The following IGLL5 variants were observed in gnomAD, a reference collection of about 807,000 sequenced individuals.
IGLL5 encodes the protein immunoglobulin lambda-like polypeptide 5.
Under a neutral mutation model 20.9 loss-of-function variants are expected in IGLL5, and 30 were observed. The ratio of observed to expected loss-of-function variants is 1.44; its 90% CI spans 1.07 to 1.95. IGLL5 has a LOEUF of 1.95. Among genes scored for constraint, IGLL5 ranks in the 30% most tolerant of loss-of-function variants. IGLL5 has a pLI of 0.00. For synonymous variants in IGLL5, 203 were observed against 117.3 expected, an observed-to-expected ratio of 1.73 and a Z score of -4.72; for missense variants, 475 against 270.7, an observed-to-expected ratio of 1.75 and a Z score of -5.30.
rs1446690837 is a variant in IGLL5, at chr22:22,888,020, G to T, written c.-34G>T. 6.5e-7 allele frequency: 1 copy of T among 1,527,080 alleles called. No homozygotes were observed. The highest frequency in any genetic ancestry group is 1.2e-5 in the South Asian group (1 of 83,490). 94.6% of individuals were successfully genotyped at this position (1,527,080 alleles called of 1,614,324 possible). On this transcript the variant is annotated 5_prime_UTR_variant, in exon 1 of 3. Coordinates refer to ENST00000526893, the MANE Select transcript of IGLL5 (RefSeq NM_001178126.2). Reference sequence around the variant, plus strand: ...GTCCTCCAGGGAGCCCATGCTGCAAGTCGGGCCAGAGGTGCCCCTGAACCT... The same window carrying T: ...GTCCTCCAGGGAGCCCATGCTGCAATTCGGGCCAGAGGTGCCCCTGAACCT...
At chr22:22,894,474 A>T in intron 2 of IGLL5, among the ~76,000 whole-genome samples, 2 of 151,238 alleles carry the variant, frequency 1.3e-5, no homozygotes, top group African/African-American at 2.4e-5. Context: ...CAGAAAGGAG[A>T]CAGTCTCTTA....
chr22:22,895,292 C>A, intron 2 of IGLL5, 83 bp from the exon 3 acceptor site: 1 of 1,331,448 alleles, frequency 7.5e-7, no homozygotes, highest in Non-Finnish European at 1.1e-6. Context: ...TGAACCCTCC[C>A]AGAGACTTTA....
At chr22:22,889,246 A>C (rs2067700433) in intron 1 of IGLL5, among the ~76,000 whole-genome samples, 1 of 151,056 alleles carries the variant, frequency 6.6e-6, no homozygotes, top group African/African-American at 2.4e-5. Flanking sequence ...ACTCAGATTC[A>C]GAGCACCCAG....
intron 1 of IGLL5, among the ~76,000 whole-genome samples, chr22:22,890,579 GTGT>G (rs1258501395): frequency 6.9e-6 from 1 of 144,458 alleles, no homozygotes; most frequent in Non-Finnish European, 1.5e-5. Flanking sequence ...GTGTGTGTGT[GTGT>G]GTGTGTGTGT....
chr22:22,889,276 A>T (rs2067703221), intron 1 of IGLL5, among the ~76,000 whole-genome samples: 1 of 151,076 alleles, frequency 6.6e-6, no homozygotes, highest in Middle Eastern at 3.7e-3. Context: ...TTCCTATGAA[A>T]TGGGAGCATG....
chr22:22,892,593 G>A (rs1256482843), intron 1 of IGLL5, among the ~76,000 whole-genome samples: 1 of 150,922 alleles, frequency 6.6e-6, no homozygotes, highest in Non-Finnish European at 1.5e-5. Context: ...ACTCTGTGGA[G>A]GAGCAAGTTA....
At chr22:22,888,988 C>G (rs187400662) in intron 1 of IGLL5, among the ~76,000 whole-genome samples, 8 of 151,260 alleles carry the variant, frequency 5.3e-5, no homozygotes, top group African/African-American at 1.2e-4. Context: ...AGGCTGGGAG[C>G]TCCTGGGTGA....
rs114120440 is a variant in IGLL5, at chr22:22,889,512, T to C, written c.206+1253T>C. ...ACAAGGGTGGTTAGCTCAGCATTAT[T>C]AGTGATGGGAGAAAACTGGAAAAAA... On this transcript the variant is annotated intron_variant, in intron 1 of 2. Coordinates refer to ENST00000526893, the MANE Select transcript of IGLL5 (RefSeq NM_001178126.2). 1.3e-5 allele frequency among the ~76,000 whole-genome samples: 2 copies of C among 151,282 alleles called. 1 individual carries two copies. Among genetic ancestry groups the C allele is most frequent in the East Asian group, 4.0e-4 (2 of 4,940 alleles).
intron 1 of IGLL5, among the ~76,000 whole-genome samples, chr22:22,889,433 T>G (rs192821440): frequency 6.6e-6 from 1 of 151,288 alleles, no homozygotes; most frequent in African/African-American, 2.4e-5. Context: ...CTTCTAGGAA[T>G]TTATCCTAAG....
intron 1 of IGLL5, among the ~76,000 whole-genome samples, chr22:22,888,498 T>G (rs560881117): frequency 2.6e-5 from 4 of 151,410 alleles, no homozygotes; most frequent in South Asian, 2.1e-4. Flanking sequence ...TGGCGCCACT[T>G]AAATTTTCAC....
At position 22,888,177 on chromosome 22, in the gene IGLL5, A is replaced by C. The variant is rs550903741; in HGVS notation, c.124A>C (p.Met42Leu). The change falls in exon 1 of 3, where the codon ATG (methionine) becomes CTG (leucine). Residue 42 changes from methionine (M) to leucine (L), a missense_variant. Transcript: ENST00000526893. ...GGTCGCCCATGGCCTGCTGCGCCCA[A>C]TGGTTGCACCGCAAAGCGGGGACCC... ...AMVAHGLLRPMVAPQSGDPDP... is the reference protein window; with the variant it reads ...AMVAHGLLRPLVAPQSGDPDP... 8.4e-6 allele frequency: 13 copies of C among 1,548,852 alleles called. 1 individual carries two copies. Among genetic ancestry groups the C allele is most frequent in the Middle Eastern group, 1.7e-4 (1 of 5,778 alleles).
At chr22:22,894,309 G>C (rs2068014774) in intron 2 of IGLL5, among the ~76,000 whole-genome samples, 3 of 151,388 alleles carry the variant, frequency 2.0e-5, no homozygotes, top group South Asian at 2.1e-4. Flanking sequence ...GTGACACAGA[G>C]GTCACCCCAA....
intron 2 of IGLL5, 112 bp from the exon 3 acceptor site, chr22:22,895,263 G>C: frequency 1.0e-6 from 1 of 953,312 alleles, no homozygotes; most frequent in Non-Finnish European, 1.6e-6. Context: ...AACCCCGGGT[G>C]GACCGGATGG....
intron 2 of IGLL5, among the ~76,000 whole-genome samples, chr22:22,894,070 T>G (rs2067976890): frequency 1.3e-5 from 2 of 151,334 alleles, no homozygotes; most frequent in African/African-American, 4.8e-5. Flanking sequence ...GGGCTCCTCC[T>G]CTCTTCCAGG....
intron 2 of IGLL5, 100 bp downstream of exon 2, chr22:22,893,918 C>A: frequency 1.2e-6 from 1 of 850,088 alleles, no homozygotes; most frequent in Non-Finnish European, 2.0e-6. Context: ...TCCTCCCAGC[C>A]TTAAGCACTG....
In IGLL5 at chr22:22,893,965, A is replaced by C. The variant is rs954544478; in HGVS notation, c.325+147A>C. The C allele has an allele frequency of 3.5e-5, 24 of 689,918 alleles. 1 individual carries two copies. Among genetic ancestry groups the C allele is most frequent in the Middle Eastern group, 2.5e-4 (1 of 3,990 alleles). The allele number at this position is 689,918 out of a possible 1,614,324, so 42.7% of individuals were successfully genotyped here. A position where few individuals can be genotyped will look rare whatever the true frequency, so the allele number is the denominator to read the frequency against. ...TCTCCATGGGGCCTGGAGGAGGTGC[A>C]TTAGTCTCCGGGTAACCGGCAGGAA... On this transcript the variant is annotated intron_variant, in intron 2 of 2. Coordinates refer to ENST00000526893, the MANE Select transcript of IGLL5 (RefSeq NM_001178126.2).
At chr22:22,888,320 CCAAGGGGAGA>C in intron 1 of IGLL5, 61 bp downstream of exon 1, 1 of 1,487,890 alleles carries the variant, frequency 6.7e-7, no homozygotes, top group Admixed American at 2.0e-5. Flanking sequence ...GAAAGGGTGA[CCAAGGGGAGA>C]CAAGCCAGAG....
intron 2 of IGLL5, among the ~76,000 whole-genome samples, chr22:22,894,661 A>G (rs577949410): frequency 2.0e-5 from 3 of 151,058 alleles, no homozygotes; most frequent in Admixed American, 6.6e-5. Flanking sequence ...TGGGGTCATC[A>G]CAGGCTGCTG....
At position 22,888,219 on chromosome 22, in the gene IGLL5, G is replaced by C. The variant is rs531309531; in HGVS notation, c.166G>C (p.Val56Leu). The stretch of plus-strand genomic sequence containing the variant: ...CGGGGACCCAGACCCTGGAGCCTCA[G>C]TTGGAAGCAGCCGATCCAGCCTGCG... ...QSGDPDPGASVGSSRSSLRSL... is the reference protein window; with the variant it reads ...QSGDPDPGASLGSSRSSLRSL... The change falls in exon 1 of 3, where the codon GTT (valine) becomes CTT (leucine). Residue 56 changes from valine to leucine, a missense_variant. Physicochemically the swap from Val to Leu is conservative, Grantham distance 32. Transcript: ENST00000526893. The C allele has an allele frequency of 8.4e-6, 13 of 1,548,262 alleles. No individual in the cohort carries two copies. Among genetic ancestry groups the C allele is most frequent in the Admixed American group, 3.9e-5 (2 of 50,764 alleles).
Sources: gnomAD v4.1 joint callset for allele counts (sites outside exome capture counted in the v4.1 genomes callset) on GRCh38, gnomAD v4.1.1 for gene constraint, MANE v1.5 for transcripts, NCBI Gene and HGNC (gene_info 2026-07-23, HGNC 2026-07-21) for gene names.